The following SHB variants were observed in gnomAD, a reference collection of about 807,000 sequenced individuals.
The protein encoded by SHB is SH2 domain-containing adapter protein B.
A neutral mutation model predicts 52.3 loss-of-function variants in SHB; 20 were observed. The observed-to-expected ratio is 0.38, with a 90% CI of 0.27 to 0.56. The LOEUF (loss-of-function observed/expected upper bound fraction) is 0.56, where lower values mean the gene tolerates loss of function less well. Among genes scored for constraint, SHB ranks in the 20% least tolerant of loss-of-function variants. The pLI, the probability that SHB is intolerant of heterozygous loss-of-function variation, is 0.71. For missense variants in SHB, 825 were observed against 723.3 expected (o/e 1.14, Z -1.61); for synonymous variants, 397 against 316.5 (o/e 1.25, Z -2.70).
chr9:38,038,261 T>TA (rs1821515365), intron 1 of SHB, among the ~76,000 whole-genome samples: 2 of 152,068 alleles, frequency 1.3e-5, no homozygotes, highest in African/African-American at 4.8e-5. Flanking sequence ...CCTCCAGACT[T>TA]AAGAGCACCA....
intron 1 of SHB, among the ~76,000 whole-genome samples, chr9:38,036,471 C>A (rs1157726440): frequency 6.6e-6 from 1 of 152,264 alleles, no homozygotes; most frequent in Non-Finnish European, 1.5e-5. Flanking sequence ...GCCTAGAGCT[C>A]TGCCCACGCA....
chr9:37,953,257 G>A (rs1381435582), intron 4 of SHB, among the ~76,000 whole-genome samples: 1 of 152,068 alleles, frequency 6.6e-6, no homozygotes, highest in Non-Finnish European at 1.5e-5. Context: ...AGTGCTGGCA[G>A]CTCTTTGGAG....
chr9:37,993,598 C>T lies in SHB; in HGVS notation c.839-18761G>A, dbSNP rs2118021083. ...GAAATTACAATGAAGAAATCCTATT[C>T]TTTATGTTAACATAAACATTGAGTT... On this transcript the variant is annotated intron_variant, in intron 2 of 5. Transcript: ENST00000377707. Among the ~76,000 whole-genome samples, 2 of 151,662 alleles carry T rather than the reference C, an allele frequency of 1.3e-5. 1 individual carries two copies. Among genetic ancestry groups the T allele is most frequent in the Admixed American group, 1.3e-4 (2 of 15,192 alleles).
intron 5 of SHB, among the ~76,000 whole-genome samples, chr9:37,933,050 T>C (rs1157080239): frequency 6.6e-6 from 1 of 152,228 alleles, no homozygotes; most frequent in Non-Finnish European, 1.5e-5. Flanking sequence ...AAGACAGATC[T>C]GCCTGCTCAA....
chr9:38,000,759 C>T (rs865878254), intron 2 of SHB, among the ~76,000 whole-genome samples: 4 of 152,210 alleles, frequency 2.6e-5, no homozygotes, highest in South Asian at 2.1e-4. Flanking sequence ...GCTTTACTTG[C>T]CACATAGGAG....
At chr9:37,956,129 C>CT in intron 3 of SHB, 75 bp from the exon 4 acceptor site, 2 of 1,380,854 alleles carry the variant, frequency 1.4e-6, no homozygotes, top group South Asian at 2.6e-5. Flanking sequence ...AGAAGGGTAA[C>CT]GTTCAGCTGG....
At chr9:37,921,273 CAG>C (rs886482476) in intron 5 of SHB, among the ~76,000 whole-genome samples, 3 of 152,206 alleles carry the variant, frequency 2.0e-5, no homozygotes, top group Non-Finnish European at 4.4e-5. Flanking sequence ...GAGCTCCAAG[CAG>C]ACTTGAAGGT....
rs1821487886 is a variant in SHB, at chr9:38,036,391, C to T, written c.718-20260G>A. Among the ~76,000 whole-genome samples the T allele has an allele frequency of 2.0e-5, 3 of 152,212 alleles. No homozygotes were observed. The South Asian group carries it at 6.2e-4, about 32-fold the overall frequency. On this transcript the variant is annotated intron_variant, in intron 1 of 5. Coordinates refer to ENST00000377707, the MANE Select transcript of SHB (RefSeq NM_003028.3). Reference sequence around the variant, plus strand: ...GCTGTAAAAACTGTATTTCTTCAGTCCTAACAAGCGCAGCCACAGCAAACT... The same window carrying T: ...GCTGTAAAAACTGTATTTCTTCAGTTCTAACAAGCGCAGCCACAGCAAACT...
intron 2 of SHB, among the ~76,000 whole-genome samples, chr9:37,975,284 C>T (rs1820640929): frequency 6.6e-6 from 1 of 152,222 alleles, no homozygotes; most frequent in South Asian, 2.1e-4. Flanking sequence ...CCATGCAGTT[C>T]CCAGTTCCCA....
At chr9:37,942,950 C>T (rs1004266758) in intron 5 of SHB, among the ~76,000 whole-genome samples, 7 of 152,128 alleles carry the variant, frequency 4.6e-5, no homozygotes, top group South Asian at 2.1e-4. Flanking sequence ...CATCCCTCCT[C>T]GCCAGTACTC....
At chr9:38,051,843 G>T (rs922750427) in intron 1 of SHB, among the ~76,000 whole-genome samples, 1 of 152,162 alleles carries the variant, frequency 6.6e-6, no homozygotes, top group African/African-American at 2.4e-5. Flanking sequence ...GATCTTCAAG[G>T]GGCTCTTTGA....
Position 37,919,423 on chromosome 9 carries a change from T to A in SHB, c.*398A>T, listed in dbSNP as rs555308193. ...GTAGGGGGGCTCCTGTGGGAAAACTTTGCCCTGTACAGAGGTGTGAATTTG... is the reference window on the plus strand; with the variant it reads ...GTAGGGGGGCTCCTGTGGGAAAACTATGCCCTGTACAGAGGTGTGAATTTG... On this transcript the variant is annotated 3_prime_UTR_variant, in exon 6 of 6. Coordinates refer to ENST00000377707, the MANE Select transcript of SHB (RefSeq NM_003028.3). The A allele has an allele frequency of 8.5e-4, 139 of 163,214 alleles. No individual in the cohort carries two copies. The highest frequency in any genetic ancestry group is 7.8e-3 in the Admixed American group (129 of 16,634). The allele number at this position is 163,214 out of a possible 1,614,324, so 10.1% of individuals were successfully genotyped here. A position where few individuals can be genotyped will look rare whatever the true frequency, so the allele number is the denominator to read the frequency against.
At chr9:37,971,601 C>G (rs1355921412) in intron 3 of SHB, among the ~76,000 whole-genome samples, 4 of 152,170 alleles carry the variant, frequency 2.6e-5, no homozygotes, top group Non-Finnish European at 4.4e-5. Flanking sequence ...CAGCCAGCAC[C>G]CGCCCTGGAG....
Position 37,955,922 on chromosome 9 carries a change from C to G in SHB, c.1187G>C (p.Gly396Ala), listed in dbSNP as rs771663282. Residue 396 changes from glycine (G) to alanine (A), a missense_variant, in exon 4 of 6, where the codon GGA becomes GCA. By Grantham distance (60) the Gly-to-Ala change is moderately conservative. Transcript: ENST00000377707. ...GGGGACGGCAGGATCCACCCTTTCT[C>G]CTAGGATCCCGCAGAACTCAGGGCT... Reference protein sequence around the residue: ...HGSPEFCGILGERVDPAVPLE... With the variant: ...HGSPEFCGILAERVDPAVPLE... The G allele has an allele frequency of 1.2e-6, 2 of 1,613,712 alleles. No homozygotes were observed. Among genetic ancestry groups the G allele is most frequent in the African/African-American group, 2.7e-5 (2 of 74,938 alleles).
chr9:38,003,154 A>G (rs1399957546), intron 2 of SHB, among the ~76,000 whole-genome samples: 1 of 152,082 alleles, frequency 6.6e-6, no homozygotes, highest in African/African-American at 2.4e-5. Flanking sequence ...CTCACTTTGC[A>G]TGGCAGCCTG....
intron 1 of SHB, among the ~76,000 whole-genome samples, chr9:38,050,850 G>C (rs1202663380): frequency 6.7e-6 from 1 of 150,312 alleles, no homozygotes; most frequent in Non-Finnish European, 1.5e-5. Flanking sequence ...AAAAAGGCCA[G>C]GCAGATACAA....
chr9:37,959,471 T>C (rs1027783312), intron 3 of SHB, among the ~76,000 whole-genome samples: 9 of 152,176 alleles, frequency 5.9e-5, no homozygotes, highest in Middle Eastern at 3.2e-3. Flanking sequence ...GGCTTAGTTT[T>C]GCCACAGGCT....
At chr9:37,939,563 G>A (rs1832413501) in intron 5 of SHB, among the ~76,000 whole-genome samples, 1 of 152,306 alleles carries the variant, frequency 6.6e-6, no homozygotes, top group East Asian at 1.9e-4. Flanking sequence ...TGTCACCACT[G>A]CCTGGGGAAA....
At chr9:38,024,381 G>A (rs1395276848) in intron 1 of SHB, among the ~76,000 whole-genome samples, 2 of 152,258 alleles carry the variant, frequency 1.3e-5, no homozygotes, top group Non-Finnish European at 1.5e-5. Flanking sequence ...GAGTGTGGGG[G>A]GTTAAAGTGG....
Sources: gnomAD v4.1 joint callset for allele counts (sites outside exome capture counted in the v4.1 genomes callset) on GRCh38, gnomAD v4.1.1 for gene constraint, MANE v1.5 for transcripts, NCBI Gene and HGNC (gene_info 2026-07-23, HGNC 2026-07-21) for gene names.